KLHL13: variants seen among roughly 807,000 people sequenced by gnomAD.
The protein encoded by KLHL13 is kelch-like protein 13.
A neutral mutation model predicts 37.1 loss-of-function variants in KLHL13; 10 were observed. The observed-to-expected ratio is 0.27, with a 90% confidence interval of 0.17 to 0.46. The LOEUF (loss-of-function observed/expected upper bound fraction) is 0.46. Among genes scored for constraint, KLHL13 ranks in the 20% least tolerant of loss-of-function variants. The pLI is 1.00. For synonymous variants in KLHL13, 163 were observed against 181.2 expected, an observed-to-expected ratio of 0.90 and a Z score of 0.81; for missense variants, 360 against 509.3, an observed-to-expected ratio of 0.71 and a Z score of 2.82.
chrX:118,080,065 C>T (rs192743010), intron 1 of KLHL13, among the ~76,000 whole-genome samples: 1 of 111,653 alleles, frequency 9.0e-6, no homozygotes, highest in Admixed American at 9.5e-5. Context: ...TGCTGGGATA[C>T]TTGGCTAGCC....
intron 1 of KLHL13, among the ~76,000 whole-genome samples, chrX:118,093,912 T>C (rs979446636): frequency 4.6e-5 from 5 of 109,261 alleles, no homozygotes; most frequent in African/African-American, 1.0e-4. Context: ...GATGGCCGAA[T>C]AGGAACAGCT....
chrX:117,903,952 A>G (rs1369413481), intron 5 of KLHL13, among the ~76,000 whole-genome samples: 1 of 110,888 alleles, frequency 9.0e-6, no homozygotes, highest in Non-Finnish European at 1.9e-5. Flanking sequence ...TTTATAGTGG[A>G]GTTAGAATTT....
intron 1 of KLHL13, among the ~76,000 whole-genome samples, chrX:118,090,562 T>A (rs1349455464): frequency 9.0e-6 from 1 of 111,339 alleles, no homozygotes; most frequent in South Asian, 3.8e-4. Context: ...GAAATGCAAA[T>A]CAAAACCACA....
At chrX:118,103,660 T>C (rs767601822) in intron 1 of KLHL13, among the ~76,000 whole-genome samples, 2 of 111,210 alleles carry the variant, frequency 1.8e-5, no homozygotes, top group African/African-American at 3.3e-5. Flanking sequence ...AGAAAGGAAA[T>C]AGTAATTATT....
At chrX:118,033,028 G>T (rs142831534) in intron 1 of KLHL13, among the ~76,000 whole-genome samples, 1,530 of 110,671 alleles carry the variant, frequency 0.014, 27 homozygotes, top group African/African-American at 0.048. Context: ...AAGTGAGAAG[G>T]GAAGTTTAGA....
chrX:118,090,713 A>C (rs1183706493), intron 1 of KLHL13, among the ~76,000 whole-genome samples: 2 of 109,473 alleles, frequency 1.8e-5, no homozygotes, highest in East Asian at 2.9e-4. Context: ...TGTGGAAGTC[A>C]GTGTGGCGAT....
At chrX:118,110,212 C>T (rs1038975787) in intron 1 of KLHL13, among the ~76,000 whole-genome samples, 7 of 109,972 alleles carry the variant, frequency 6.4e-5, no homozygotes, top group Non-Finnish European at 1.1e-4. Flanking sequence ...TTTTCCTTTG[C>T]ATGTTTTTAA....
intron 1 of KLHL13, among the ~76,000 whole-genome samples, chrX:118,006,627 A>T (rs977799601): frequency 3.6e-5 from 4 of 112,311 alleles, no homozygotes; most frequent in Non-Finnish European, 7.5e-5. Context: ...AATCAGCTTG[A>T]ATTTATTCAG....
At chrX:118,059,904 G>A (rs76189527) in intron 1 of KLHL13, among the ~76,000 whole-genome samples, 1 of 111,683 alleles carries the variant, frequency 9.0e-6, no homozygotes, top group South Asian at 3.7e-4. Flanking sequence ...CTGTGTTACC[G>A]TGAGCACTTA....
At chrX:117,984,028 T>A (rs772748934) in intron 1 of KLHL13, among the ~76,000 whole-genome samples, 2 of 112,253 alleles carry the variant, frequency 1.8e-5, no homozygotes, top group Non-Finnish European at 3.8e-5. Context: ...AGATGGCTAA[T>A]GTTCTTCTAG....
intron 1 of KLHL13, among the ~76,000 whole-genome samples, chrX:117,996,302 G>C (rs1046085544): frequency 3.6e-5 from 4 of 111,865 alleles, no homozygotes; most frequent in Non-Finnish European, 7.5e-5. Flanking sequence ...GATTCAGACA[G>C]TTTGCTAAAT....
intron 1 of KLHL13, among the ~76,000 whole-genome samples, chrX:118,066,003 G>C (rs2054790785): frequency 9.0e-6 from 1 of 111,717 alleles, no homozygotes; most frequent in Non-Finnish European, 1.9e-5. Context: ...ACTGTGCTTA[G>C]AGAAAAACCA....
chrX:117,997,119 A>G (rs1390817727), intron 1 of KLHL13, among the ~76,000 whole-genome samples: 7 of 111,244 alleles, frequency 6.3e-5, no homozygotes, highest in Admixed American at 3.8e-4. Flanking sequence ...AGATGCACTC[A>G]TCCTGTGATT....
At chrX:117,949,193 G>A (rs1281670045) in intron 1 of KLHL13, among the ~76,000 whole-genome samples, 1 of 112,186 alleles carries the variant, frequency 8.9e-6, no homozygotes, top group African/African-American at 3.2e-5. Context: ...AATTATCAGA[G>A]TACAAGATAT....
chrX:118,088,538 C>T (rs140800831), intron 1 of KLHL13, among the ~76,000 whole-genome samples: 1,948 of 111,659 alleles, frequency 0.017, 44 homozygotes, highest in African/African-American at 0.058. Context: ...TTCTTAGATT[C>T]AGCATTTTGC....
intron 1 of KLHL13, among the ~76,000 whole-genome samples, chrX:118,103,198 G>C (rs1474282188): frequency 8.9e-6 from 1 of 111,737 alleles, no homozygotes; most frequent in Non-Finnish European, 1.9e-5. Flanking sequence ...GTTGAGCTTA[G>C]TGATAAAGAG....
intron 1 of KLHL13, among the ~76,000 whole-genome samples, chrX:118,081,455 T>C (rs1260385204): frequency 9.0e-6 from 1 of 110,672 alleles, no homozygotes; most frequent in African/African-American, 3.3e-5. Flanking sequence ...TGATTTTTGG[T>C]TTTTTTTAAC....
At chrX:117,918,331 C>T (rs1157160040) in intron 4 of KLHL13, among the ~76,000 whole-genome samples, 2 of 111,186 alleles carry the variant, frequency 1.8e-5, no homozygotes, top group African/African-American at 6.5e-5. Flanking sequence ...AGTTAAGTAC[C>T]TTAATAATAA....
At position 118,036,262 on chromosome X, in the gene KLHL13, C is replaced by A. The variant is rs1259022957; in HGVS notation, c.-56+80246G>T. 3.6e-5 allele frequency among the ~76,000 whole-genome samples: 4 copies of A among 110,631 alleles called. No homozygotes were observed. In the Admixed American group the frequency reaches 3.8e-4, roughly 11 times the overall value. ...AAACTACTTTAAAGTTCATATGGAA[C>A]CAAAAAAGAGCCCGCATCACCAAGG... is the stretch of plus-strand genomic sequence containing the variant. On this transcript the variant is annotated intron_variant, in intron 1 of 6. Coordinates refer to the KLHL13 transcript ENST00000371882.
Sources: gnomAD v4.1 joint callset for allele counts (sites outside exome capture counted in the v4.1 genomes callset) on GRCh38, gnomAD v4.1.1 for gene constraint, MANE v1.5 for transcripts, NCBI Gene and HGNC (gene_info 2026-07-23, HGNC 2026-07-21) for gene names.